The following COMMD7 variants were observed in gnomAD, a reference collection of about 807,000 sequenced individuals.
COMMD7 encodes COMM domain-containing protein 7.
A neutral mutation model predicts 34.8 loss-of-function variants in COMMD7; 28 were observed. The ratio of observed to expected loss-of-function variants is 0.80; its 90% CI spans 0.60 to 1.10. COMMD7 has a LOEUF of 1.10. Among genes scored for constraint, COMMD7 ranks in the 50% least tolerant of loss-of-function variants. The probability of loss-of-function intolerance (pLI) is 0.00; values close to 1 mark genes in which losing one functional copy is unlikely to be tolerated. For missense variants in COMMD7, 211 were observed against 241.6 expected (o/e 0.87, Z 0.84); for synonymous variants, 80 against 86.4 (o/e 0.93, Z 0.41).
intron 3 of COMMD7, among the ~76,000 whole-genome samples, chr20:32,708,739 TC>T (rs1286684452): frequency 1.2e-5 from 1 of 80,840 alleles, no homozygotes; most frequent in East Asian, 4.0e-4. Context: ...TCAGCTCACC[TC>T]CTACCACACC....
In COMMD7 at chr20:32,737,130, C is replaced by A. The variant is rs897036560; in HGVS notation, c.84+6178G>T. The stretch of plus-strand genomic sequence containing the variant: ...CCAGGAGGCAGAGCTTGCAGTGAGC[C>A]GAGATCGCGCCACTGCATTCCAGCC... On this transcript the variant is annotated intron_variant, in intron 1 of 8. Coordinates refer to ENST00000278980, the MANE Select transcript of COMMD7 (RefSeq NM_053041.3). 4.0e-5 allele frequency among the ~76,000 whole-genome samples: 6 copies of A among 151,276 alleles called. No individual in the cohort carries two copies. The Middle Eastern group carries it at 0.01, about 259-fold the overall frequency.
At chr20:32,711,491 T>C (rs1303175483) in intron 3 of COMMD7, among the ~76,000 whole-genome samples, 1 of 151,372 alleles carries the variant, frequency 6.6e-6, no homozygotes, top group Non-Finnish European at 1.5e-5. Flanking sequence ...AAGTGGCTTA[T>C]AGGCCAGAGG....
chr20:32,735,333 T>C (rs13043729), intron 1 of COMMD7, among the ~76,000 whole-genome samples: 2 of 152,254 alleles, frequency 1.3e-5, no homozygotes, highest in Admixed American at 6.5e-5. Context: ...TTGTTTGTTT[T>C]TTGAGACAGA....
intron 7 of COMMD7, 99 bp from the exon 8 acceptor site, chr20:32,704,170 T>TC: frequency 9.9e-7 from 1 of 1,014,376 alleles, no homozygotes; most frequent in South Asian, 1.7e-5. Flanking sequence ...AACCTGAGAG[T>TC]CATACAGGAG....
chr20:32,717,709 C>G (rs145123778), intron 3 of COMMD7, among the ~76,000 whole-genome samples: 1 of 151,902 alleles, frequency 6.6e-6, no homozygotes, highest in Non-Finnish European at 1.5e-5. Context: ...AGATTCTCCC[C>G]CTTTGACTTC....
At chr20:32,707,281 C>T (rs1317681925) in intron 3 of COMMD7, among the ~76,000 whole-genome samples, 1 of 84,328 alleles carries the variant, frequency 1.2e-5, no homozygotes, top group African/African-American at 3.2e-5. Flanking sequence ...GAGACTCCGT[C>T]TCAAAAAAAA....
chr20:32,718,494 T>A (rs1352168448), intron 3 of COMMD7, among the ~76,000 whole-genome samples: 1 of 151,078 alleles, frequency 6.6e-6, no homozygotes, highest in Non-Finnish European at 1.5e-5. Flanking sequence ...AGCTCAGGAG[T>A]TCGAGACCAG....
chr20:32,703,247 G>A lies in COMMD7; in HGVS notation c.*135C>T, dbSNP rs1983855429. On this transcript the variant is annotated 3_prime_UTR_variant, in exon 9 of 9. Transcript: ENST00000278980. ...TCCTGCTGTTTTTCAGAAACCCTTT[G>A]CACCTGGGCCCCATGGAGCCAGCAG... The A allele has an allele frequency of 1.4e-6, 1 of 712,278 alleles. No homozygotes were observed. The highest frequency in any genetic ancestry group is 1.8e-5 in the African/African-American group (1 of 55,968). 44.1% of individuals were successfully genotyped at this position (712,278 alleles called of 1,614,324 possible). A position where few individuals can be genotyped will look rare whatever the true frequency, so the allele number is the denominator to read the frequency against.
chr20:32,706,815 A>G (rs1984111839), intron 3 of COMMD7, 55 bp from the exon 4 acceptor site: 2 of 1,447,828 alleles, frequency 1.4e-6, no homozygotes, highest in South Asian at 1.1e-5. Flanking sequence ...TTAGTCGGCA[A>G]TAAGTATTTA....
At chr20:32,718,088 CAAA>C (rs10711557) in intron 3 of COMMD7, among the ~76,000 whole-genome samples, 5 of 137,922 alleles carry the variant, frequency 3.6e-5, no homozygotes, top group Non-Finnish European at 4.7e-5. Flanking sequence ...GACTGCCTCT[CAAA>C]AAAAAAAAAA....
chr20:32,715,927 G>A (rs996933495), intron 3 of COMMD7, among the ~76,000 whole-genome samples: 1 of 152,182 alleles, frequency 6.6e-6, no homozygotes, highest in South Asian at 2.1e-4. Context: ...TAATAATAAT[G>A]ACAATCATAA....
rs1449881151 is a variant in COMMD7, at chr20:32,740,800, C to G, written c.84+2508G>C. On this transcript the variant is annotated intron_variant, in intron 1 of 8. Transcript: ENST00000278980. ...CTACAGTGAGCAATGGGTGACAGAG[C>G]GAGACCCTGCCTCAAAAAAAAAAAA... Among the ~76,000 whole-genome samples, 29 of 130,808 alleles carry G rather than the reference C, an allele frequency of 2.2e-4. No individual in the cohort carries two copies. The East Asian group carries it at 5.5e-3, about 25-fold the overall frequency. The allele number at this position is 130,808 out of a possible 152,430, so 85.8% of individuals were successfully genotyped here.
intron 3 of COMMD7, among the ~76,000 whole-genome samples, chr20:32,718,088 CA>C (rs10711557): frequency 0.67 from 92,887 of 137,810 alleles, 31,037 homozygotes; most frequent in Middle Eastern, 0.8. Context: ...GACTGCCTCT[CA>C]AAAAAAAAAA....
chr20:32,719,334 C>A (rs1390865244), intron 3 of COMMD7, among the ~76,000 whole-genome samples: 1 of 152,070 alleles, frequency 6.6e-6, no homozygotes, highest in Non-Finnish European at 1.5e-5. Context: ...AGAAGGGATG[C>A]ACAAGGACAA....
chr20:32,727,279 T>C lies in COMMD7; in HGVS notation c.241+614A>G, dbSNP rs1025959766. Among the ~76,000 whole-genome samples the C allele has an allele frequency of 6.0e-5, 9 of 151,202 alleles. 1 individual carries two copies. The highest frequency in any genetic ancestry group is 1.7e-4 in the African/African-American group (7 of 41,186). On this transcript the variant is annotated intron_variant, in intron 3 of 8. Coordinates refer to ENST00000278980, the MANE Select transcript of COMMD7 (RefSeq NM_053041.3). Reference sequence around the variant, plus strand: ...ATTATTAGATTCAGGCCGGGTACGGTGGCTCACGCCTGTAATCCCAGCACT... The same window carrying C: ...ATTATTAGATTCAGGCCGGGTACGGCGGCTCACGCCTGTAATCCCAGCACT...
At chr20:32,703,899 C>T in intron 8 of COMMD7, 124 bp downstream of exon 8, 1 of 1,563,212 alleles carries the variant, frequency 6.4e-7, no homozygotes, top group East Asian at 2.4e-5. Context: ...GGCAGTGGAA[C>T]AGCTACTCCA....
intron 1 of COMMD7, among the ~76,000 whole-genome samples, chr20:32,733,949 C>T (rs560108840): frequency 1.9e-4 from 28 of 150,812 alleles, no homozygotes; most frequent in Admixed American, 1.2e-3. Context: ...GAGGCCGAGG[C>T]GCGCAGATCA....
At chr20:32,711,668 C>G (rs2145722289) in intron 3 of COMMD7, among the ~76,000 whole-genome samples, 1 of 152,258 alleles carries the variant, frequency 6.6e-6, no homozygotes, top group African/African-American at 2.4e-5. Flanking sequence ...AGAGGCCAGA[C>G]TTGAAACATG....
intron 8 of COMMD7, 170 bp from the exon 9 acceptor site, chr20:32,703,628 A>G (rs1983876534): frequency 1.4e-6 from 2 of 1,439,234 alleles, no homozygotes; most frequent in South Asian, 3.0e-5. Context: ...TGAATGCAGA[A>G]GGTTCTCTGC....
Sources: gnomAD v4.1 joint callset for allele counts (sites outside exome capture counted in the v4.1 genomes callset) on GRCh38, gnomAD v4.1.1 for gene constraint, MANE v1.5 for transcripts, NCBI Gene and HGNC (gene_info 2026-07-23, HGNC 2026-07-21) for gene names.